C13orf42: variants seen among roughly 807,000 people sequenced by gnomAD.
The protein encoded by C13orf42 is chromosome 13 open reading frame 42.
At chr13:51,159,568 T>C (rs1953848940) in intron 1 of C13orf42, among the ~76,000 whole-genome samples, 1 of 152,188 alleles carries the variant, frequency 6.6e-6, no homozygotes, top group South Asian at 2.1e-4. Flanking sequence ...CTTTGGGCTG[T>C]TGCCACTGTC....
At chr13:51,130,714 A>C (rs1199389966) in intron 1 of C13orf42, among the ~76,000 whole-genome samples, 1 of 152,200 alleles carries the variant, frequency 6.6e-6, no homozygotes, top group African/African-American at 2.4e-5. Context: ...ACACTAGTAC[A>C]TAATTAAACC....
At chr13:51,142,810 G>C (rs888918054) in intron 1 of C13orf42, among the ~76,000 whole-genome samples, 5 of 151,946 alleles carry the variant, frequency 3.3e-5, no homozygotes, top group African/African-American at 1.2e-4. Flanking sequence ...ATATAAGAAA[G>C]AATCTTCTAT....
intron 1 of C13orf42, among the ~76,000 whole-genome samples, chr13:51,125,816 T>C (rs1953572200): frequency 6.6e-6 from 1 of 152,212 alleles, no homozygotes; most frequent in Non-Finnish European, 1.5e-5. Flanking sequence ...CTTCACAGTT[T>C]TCTCTTCATC....
At chr13:51,090,896 C>T (rs1417664604) in intron 1 of C13orf42, among the ~76,000 whole-genome samples, 1 of 152,200 alleles carries the variant, frequency 6.6e-6, no homozygotes, top group Non-Finnish European at 1.5e-5. Context: ...AAAACATTAG[C>T]ATAGAAATCA....
chr13:51,154,444 C>G (rs535639637), intron 1 of C13orf42, among the ~76,000 whole-genome samples: 1 of 152,290 alleles, frequency 6.6e-6, no homozygotes, highest in Non-Finnish European at 1.5e-5. Flanking sequence ...ACAGCTGGCT[C>G]TGCACATGCC....
Position 51,131,625 on chromosome 13 carries a change from A to C in C13orf42, n.137-18403T>G, listed in dbSNP as rs188475451. On this transcript the variant is annotated intron_variant and non_coding_transcript_variant, in intron 1 of 4. Coordinates refer to the C13orf42 transcript ENST00000433280. The stretch of plus-strand genomic sequence containing the variant: ...ACAAATCCATGGCTCGGCTCTAAAA[A>C]AGTCTTATCTAAGATTCCTTCTTAT... 2.1e-3 allele frequency among the ~76,000 whole-genome samples: 315 copies of C among 152,360 alleles called. 1 individual carries two copies. The highest frequency in any genetic ancestry group is 0.01 in the Middle Eastern group (3 of 294).
upstream of C13orf42, among the ~76,000 whole-genome samples, chr13:51,111,976 G>T (rs144828806): frequency 3.2e-3 from 493 of 152,358 alleles, 2 homozygotes; most frequent in African/African-American, 0.011. Flanking sequence ...TTGCACAGAA[G>T]CATCAGTGAG....
upstream of C13orf42, among the ~76,000 whole-genome samples, chr13:51,115,664 T>TG (rs1484086063): frequency 2.7e-5 from 4 of 150,870 alleles, no homozygotes; most frequent in African/African-American, 9.8e-5. Context: ...GGCAGGGAGG[T>TG]GGGGGTGATG....
intron 1 of C13orf42, among the ~76,000 whole-genome samples, chr13:51,144,875 C>T (rs1953723251): frequency 2.0e-5 from 3 of 152,126 alleles, no homozygotes; most frequent in African/African-American, 4.8e-5. Flanking sequence ...ATTTAAAAGC[C>T]TATGTAAAAA....
intron 1 of C13orf42, among the ~76,000 whole-genome samples, chr13:51,150,008 T>C (rs1294464709): frequency 2.0e-5 from 3 of 152,252 alleles, no homozygotes; most frequent in Admixed American, 6.5e-5. Flanking sequence ...AATGAAATAT[T>C]TGACGAATAA....
intron 1 of C13orf42, among the ~76,000 whole-genome samples, chr13:51,120,795 C>G (rs145950063): frequency 0.013 from 1,933 of 152,292 alleles, 37 homozygotes; most frequent in African/African-American, 0.043. Context: ...AGGTGCATCA[C>G]TTGAGGTCAG....
chr13:51,167,385 A>G (rs1039232854), intron 1 of C13orf42, among the ~76,000 whole-genome samples: 1 of 152,344 alleles, frequency 6.6e-6, no homozygotes, highest in Admixed American at 6.5e-5. Flanking sequence ...TCTAGAAGAA[A>G]GCACACACAA....
chr13:51,151,374 G>GT (rs1410971378), intron 1 of C13orf42, among the ~76,000 whole-genome samples: 1 of 115,020 alleles, frequency 8.7e-6, no homozygotes, highest in Non-Finnish European at 2.0e-5. Context: ...AGCTGGAAAA[G>GT]GAAAAAAAAA....
chr13:51,108,506 A>G (rs1593536593), intron 1 of C13orf42, among the ~76,000 whole-genome samples: 2 of 152,220 alleles, frequency 1.3e-5, no homozygotes, highest in African/African-American at 4.8e-5. Flanking sequence ...TTTCACAGGC[A>G]GGCCCAGCAT....
intron 1 of C13orf42, among the ~76,000 whole-genome samples, chr13:51,170,067 T>C (rs1953934831): frequency 6.6e-6 from 1 of 152,112 alleles, no homozygotes; most frequent in South Asian, 2.1e-4. Flanking sequence ...AAAGTCCTTT[T>C]CCTGGCTCAT....
At chr13:51,092,463 C>T (rs1304321836) in intron 1 of C13orf42, among the ~76,000 whole-genome samples, 1 of 151,944 alleles carries the variant, frequency 6.6e-6, no homozygotes, top group African/African-American at 2.4e-5. Context: ...ATCTAGGCAC[C>T]TGAGAAAAAA....
chr13:51,145,789 C>G (rs543951102), intron 1 of C13orf42, among the ~76,000 whole-genome samples: 216 of 152,312 alleles, frequency 1.4e-3, no homozygotes, highest in African/African-American at 4.9e-3. Context: ...GTCTTCCTGC[C>G]TTTGCTTCAA....
At chr13:51,114,398 C>A (rs1241480063), upstream of C13orf42, among the ~76,000 whole-genome samples, 1 of 152,154 alleles carries the variant, frequency 6.6e-6, no homozygotes, top group Non-Finnish European at 1.5e-5. Flanking sequence ...CCTCCCTGCA[C>A]CCCCACTCTG....
chr13:51,161,240 T>C (rs904674499), intron 1 of C13orf42, among the ~76,000 whole-genome samples: 3 of 151,584 alleles, frequency 2.0e-5, no homozygotes, highest in Non-Finnish European at 4.4e-5. Flanking sequence ...ATAACTGTCA[T>C]TAACAGATTT....
Sources: gnomAD v4.1 joint callset for allele counts (sites outside exome capture counted in the v4.1 genomes callset) on GRCh38, gnomAD v4.1.1 for gene constraint, MANE v1.5 for transcripts, NCBI Gene and HGNC (gene_info 2026-07-23, HGNC 2026-07-21) for gene names.